Variants in IRAK3 observed in about 807,000 individuals in gnomAD.
IRAK3 encodes the protein interleukin 1 receptor associated kinase 3, also known as interleukin-1 receptor-associated kinase 3.
Under a neutral mutation model 56.6 loss-of-function variants are expected in IRAK3, and 57 were observed. The ratio of observed to expected loss-of-function variants is 1.01; its 90% CI spans 0.81 to 1.26. The LOEUF (loss-of-function observed/expected upper bound fraction) is 1.26, where lower values mean the gene tolerates loss of function less well. IRAK3 is among the 50% of genes most tolerant of loss of function. The pLI, the probability that IRAK3 is intolerant of heterozygous loss-of-function variation, is 0.00. For missense variants in IRAK3, 703 were observed against 719.0 expected, an observed-to-expected ratio of 0.98 and a Z score of 0.25; for synonymous variants, 258 against 255.7, an observed-to-expected ratio of 1.01 and a Z score of -0.09.
chr12:66,215,939 T>G (rs2052671830), intron 5 of IRAK3, among the ~76,000 whole-genome samples: 1 of 152,196 alleles, frequency 6.6e-6, no homozygotes, highest in Non-Finnish European at 1.5e-5. Context: ...TTAGAGGGAC[T>G]GAGGTGGGAA....
Position 66,244,931 on chromosome 12 carries a change from C to A in IRAK3, c.1087-17C>A. 1 of 1,584,380 alleles carries A rather than the reference C, an allele frequency of 6.3e-7. No homozygotes were observed. ...ATTTTTAAGATATATAGCTGACTTTCTATATATTCCTTGTAGGTAATAATG... is the reference window on the plus strand; with the variant it reads ...ATTTTTAAGATATATAGCTGACTTTATATATATTCCTTGTAGGTAATAATG... On this transcript the variant is annotated splice_polypyrimidine_tract_variant and intron_variant, in intron 9 of 11. Coordinates refer to ENST00000261233, the MANE Select transcript of IRAK3 (RefSeq NM_007199.3).
Position 66,217,219 on chromosome 12 carries a change from C to G in IRAK3, c.637C>G (p.Leu213Val). ...GCATTGGAAGAGGTTTTTATCTGAG[C>G]TTGAAGTTTTACTACTGTGAGTATG... ...KKHWKRFLSELEVLLLFHHPN... is the reference protein window; with the variant it reads ...KKHWKRFLSEVEVLLLFHHPN... Residue 213 changes from leucine (L) to valine (V), a missense_variant, in exon 6 of 12, where the codon CTT (leucine) becomes GTT (valine). Leu to Val is a conservative substitution (Grantham distance 32). Coordinates refer to ENST00000261233, the MANE Select transcript of IRAK3 (RefSeq NM_007199.3). 1.2e-6 allele frequency: 2 copies of G among 1,610,430 alleles called. No homozygotes were observed. Among genetic ancestry groups the G allele is most frequent in the Non-Finnish European group, 1.7e-6 (2 of 1,176,756 alleles).
chr12:66,223,019 T>C (rs1592591730), intron 6 of IRAK3, among the ~76,000 whole-genome samples: 1 of 151,286 alleles, frequency 6.6e-6, no homozygotes, highest in African/African-American at 2.4e-5. Flanking sequence ...GGGGGGTTGT[T>C]CTCTGTGGGG....
At chr12:66,205,842 C>G (rs1395052883) in intron 2 of IRAK3, among the ~76,000 whole-genome samples, 3 of 152,234 alleles carry the variant, frequency 2.0e-5, no homozygotes, top group East Asian at 1.9e-4. Context: ...TTATTTCCTC[C>G]CAGGTACTAT....
intron 9 of IRAK3, 56 bp from the exon 10 acceptor site, chr12:66,244,892 C>A: frequency 7.4e-7 from 1 of 1,349,566 alleles, no homozygotes; most frequent in Middle Eastern, 2.2e-4. Flanking sequence ...ATAGTTGCAA[C>A]AAATTGTGTG....
At chr12:66,206,550 T>C (rs1308943528) in intron 2 of IRAK3, among the ~76,000 whole-genome samples, 2 of 152,214 alleles carry the variant, frequency 1.3e-5, no homozygotes, top group Non-Finnish European at 2.9e-5. Flanking sequence ...ATTAAACAAA[T>C]CTTGGATTCC....
chr12:66,238,574 G>A (rs1454900492), intron 8 of IRAK3, among the ~76,000 whole-genome samples: 3 of 152,206 alleles, frequency 2.0e-5, no homozygotes, highest in African/African-American at 7.2e-5. Context: ...AATTGGGAAG[G>A]AGAGGAGAGC....
rs754972238 is a variant in IRAK3 at position 66,251,871 on chromosome 12, C to T, written c.*3700C>T. 9 of 152,168 alleles carry T rather than the reference C, an allele frequency of 5.9e-5. No homozygotes were observed. The highest frequency in any genetic ancestry group is 2.1e-4 in the South Asian group (1 of 4,824). The allele number at this position is 152,168 out of a possible 1,614,324, so 9.4% of individuals were successfully genotyped here. ...TCTACCCAAGTCAACAGTTCAGTGA[C>T]ATCTGTTATTTGAACCACACACCAA... On this transcript the variant is annotated 3_prime_UTR_variant, in exon 12 of 12. Transcript: ENST00000261233.
intron 2 of IRAK3, among the ~76,000 whole-genome samples, chr12:66,208,928 A>C (rs1175209453): frequency 1.3e-5 from 2 of 151,826 alleles, no homozygotes; most frequent in African/African-American, 2.4e-5. Context: ...TTAGCCAGGC[A>C]TGCTGATAGG....
At chr12:66,190,990 T>G (rs948527401) in intron 1 of IRAK3, among the ~76,000 whole-genome samples, 1 of 152,172 alleles carries the variant, frequency 6.6e-6, no homozygotes, top group African/African-American at 2.4e-5. Context: ...ATTTTCCTAG[T>G]GGTGAAAATG....
intron 1 of IRAK3, chr12:66,197,493 G>A (rs933949201): frequency 2.0e-6 from 2 of 984,776 alleles, no homozygotes; most frequent in African/African-American, 3.5e-5. Flanking sequence ...CTTTAGCAAT[G>A]TTTCTATTCA....
chr12:66,242,242 TCCCACCTCGCCTCCTGG>T lies in IRAK3; in HGVS notation c.888-2237_888-2221del, dbSNP rs1434097588. Among the ~76,000 whole-genome samples, 17 of 152,138 alleles carry T rather than the reference TCCCACCTCGCCTCCTGG, an allele frequency of 1.1e-4. 1 individual carries two copies. The highest frequency in any genetic ancestry group is 7.4e-5 in the Non-Finnish European group (5 of 68,018). On this transcript the variant is annotated intron_variant, in intron 8 of 11. Transcript: ENST00000261233. ...CAATGAAGGTTGGAGAACCTTTTTTTCCCACCTCGCCTCCTGGCCCACCGGCAAACTCCTGCATTCAA... is the reference window on the plus strand; with the variant it reads ...CAATGAAGGTTGGAGAACCTTTTTTTCCCACCGGCAAACTCCTGCATTCAA...
chr12:66,214,416 C>T (rs2052645187), intron 5 of IRAK3, among the ~76,000 whole-genome samples: 1 of 151,992 alleles, frequency 6.6e-6, no homozygotes, highest in Non-Finnish European at 1.5e-5. Flanking sequence ...TGGTGCCTGC[C>T]TGTAGTTCCA....
intron 8 of IRAK3, among the ~76,000 whole-genome samples, chr12:66,241,619 G>A (rs573040689): frequency 2.0e-5 from 3 of 152,142 alleles, no homozygotes; most frequent in Non-Finnish European, 2.9e-5. Context: ...CTCAGCTACC[G>A]CTAACCTTTA....
chr12:66,215,447 T>C (rs1436437497), intron 5 of IRAK3, among the ~76,000 whole-genome samples: 1 of 152,200 alleles, frequency 6.6e-6, no homozygotes, highest in African/African-American at 2.4e-5. Context: ...TGTGTAGCAA[T>C]AGCATCAAAG....
At chr12:66,225,658 A>G (rs1391528660) in intron 6 of IRAK3, among the ~76,000 whole-genome samples, 6 of 152,082 alleles carry the variant, frequency 3.9e-5, no homozygotes, top group Non-Finnish European at 5.9e-5. Flanking sequence ...CACATTTTAT[A>G]TTTCATAGTT....
intron 5 of IRAK3, among the ~76,000 whole-genome samples, chr12:66,215,788 A>AAGTGCACGTGCGCGCGCGCG (rs1555203513): frequency 1.1e-4 from 14 of 131,686 alleles, no homozygotes; most frequent in African/African-American, 3.7e-4. Flanking sequence ...CCCAACATGC[A>AAGTGCACGTGCGCGCGCGCG]CACACACACA....
intron 8 of IRAK3, among the ~76,000 whole-genome samples, chr12:66,233,346 G>A (rs1447787007): frequency 1.3e-5 from 2 of 152,094 alleles, no homozygotes; most frequent in East Asian, 1.9e-4. Flanking sequence ...GTGAAACCCC[G>A]TCTCTACTAA....
Position 66,189,383 on chromosome 12 carries a change from C to G in IRAK3, c.84C>G (p.Leu28=). Residue 28 remains leucine (L), a synonymous_variant, in exon 1 of 12, where the codon CTC becomes CTG. Transcript: ENST00000261233. ...FDLPPALLGE[L]CAVLDSCDGA... Reference sequence around the variant, plus strand: ...TGCCGCCCGCGCTGCTCGGAGAGCTCTGCGCTGTTCTGGACAGCTGCGACG... The same window carrying G: ...TGCCGCCCGCGCTGCTCGGAGAGCTGTGCGCTGTTCTGGACAGCTGCGACG... 1 of 1,527,770 alleles carries G rather than the reference C, an allele frequency of 6.5e-7. No individual in the cohort carries two copies. The highest frequency in any genetic ancestry group is 2.3e-4 in the Middle Eastern group (1 of 4,394). The allele number at this position is 1,527,770 out of a possible 1,614,324, so 94.6% of individuals were successfully genotyped here.
Sources: gnomAD v4.1 joint callset for allele counts (sites outside exome capture counted in the v4.1 genomes callset) on GRCh38, gnomAD v4.1.1 for gene constraint, MANE v1.5 for transcripts, NCBI Gene and HGNC (gene_info 2026-07-23, HGNC 2026-07-21) for gene names.